Variants in PIWIL2 observed in about 807,000 individuals in gnomAD.
The protein encoded by PIWIL2 is piwi like RNA-mediated gene silencing 2, also known as piwi-like protein 2.
PIWIL2 carries 81 observed loss-of-function variants against 116.5 expected under a neutral mutation model. The ratio of observed to expected loss-of-function variants is 0.70; its 90% confidence interval spans 0.58 to 0.84. PIWIL2 has a LOEUF of 0.84. PIWIL2 is among the 40% of genes least tolerant of loss of function. The probability of loss-of-function intolerance (pLI) is 0.00; values close to 1 mark genes in which losing one functional copy is unlikely to be tolerated. For synonymous variants in PIWIL2, 489 were observed against 429.5 expected (o/e 1.14, Z -1.71); for missense variants, 1,272 against 1,212.3 (o/e 1.05, Z -0.73).
At chr8:22,279,642 G>A in intron 2 of PIWIL2, 58 bp downstream of exon 2, 2 of 1,492,342 alleles carry the variant, frequency 1.3e-6, no homozygotes, top group Non-Finnish European at 1.9e-6. Flanking sequence ...TGCCGTCAGA[G>A]GAAGTAATGG....
Position 22,318,271 on chromosome 8 carries a change from A to T in PIWIL2, c.2399A>T (p.Tyr800Phe). 1 of 1,558,738 alleles carries T rather than the reference A, an allele frequency of 6.4e-7. No homozygotes were observed. The highest frequency in any genetic ancestry group is 8.8e-7 in the Non-Finnish European group (1 of 1,131,016). Reference sequence around the variant, plus strand: ...CTCGTGGGCTCCTTAAAAAAGTTTTATGAGGTGAGGAGAACAGAAATTCTC... The same window carrying T: ...CTCGTGGGCTCCTTAAAAAAGTTTTTTGAGGTGAGGAGAACAGAAATTCTC... Reference protein sequence around the residue: ...LCLVGSLKKFYEVNHCLPEKI... With the variant: ...LCLVGSLKKFFEVNHCLPEKI... The change falls in exon 20 of 23, where the codon TAT becomes TTT. Residue 800 changes from tyrosine (Y) to phenylalanine (F), a missense_variant. Coordinates refer to ENST00000356766, the MANE Select transcript of PIWIL2 (RefSeq NM_018068.5).
At chr8:22,291,155 CTT>C (rs960886438) in intron 10 of PIWIL2, among the ~76,000 whole-genome samples, 1 of 144,148 alleles carries the variant, frequency 6.9e-6, no homozygotes. Context: ...CTTTTCTTTT[CTT>C]TTTTTTTTTC....
rs763338857 is a variant in PIWIL2, at chr8:22,281,385, A to G, written c.295A>G (p.Ile99Val). ...KREMLPSGRG[I>V]LGRGLSANLV... ...TCGGTTCTTTCTTTCAGGTAGAGGC[A>G]TTTTAGGTCGAGGCTTGTCTGCTAA... The change falls in exon 4 of 23, where the codon ATT becomes GTT. Residue 99 changes from isoleucine to valine, a missense_variant. Ile to Val is a conservative substitution (Grantham distance 29). Transcript: ENST00000356766. 1.2e-6 allele frequency: 2 copies of G among 1,609,486 alleles called. No homozygotes were observed. The highest frequency in any genetic ancestry group is 1.7e-6 in the Non-Finnish European group (2 of 1,179,068).
At chr8:22,300,664 G>A (rs2132023360) in intron 10 of PIWIL2, among the ~76,000 whole-genome samples, 1 of 152,286 alleles carries the variant, frequency 6.6e-6, no homozygotes, top group South Asian at 2.1e-4. Context: ...CGAATACTTG[G>A]TGTAGTCAGT....
chr8:22,344,007 G>T (rs1832169277), intron 20 of PIWIL2, among the ~76,000 whole-genome samples: 2 of 152,136 alleles, frequency 1.3e-5, no homozygotes, highest in South Asian at 4.1e-4. Flanking sequence ...TAGGTGAGTG[G>T]ATAAACTGTC....
At chr8:22,326,876 T>G (rs942509554) in intron 20 of PIWIL2, among the ~76,000 whole-genome samples, 2 of 152,130 alleles carry the variant, frequency 1.3e-5, no homozygotes, top group Non-Finnish European at 2.9e-5. Context: ...AATTACAGGG[T>G]CATATAGTAG....
At chr8:22,322,809 G>A (rs1339380804) in intron 20 of PIWIL2, among the ~76,000 whole-genome samples, 6 of 152,198 alleles carry the variant, frequency 3.9e-5, no homozygotes, top group East Asian at 3.9e-4. Flanking sequence ...CCAAAGTGCC[G>A]GGATTACAGA....
At chr8:22,317,863 G>A (rs574737681) in intron 19 of PIWIL2, among the ~76,000 whole-genome samples, 7 of 151,958 alleles carry the variant, frequency 4.6e-5, no homozygotes, top group South Asian at 4.2e-4. Flanking sequence ...GGGTTTCACC[G>A]TGTTAGCCAG....
At chr8:22,354,500 A>G (rs1173805977) in intron 22 of PIWIL2, 122 bp downstream of exon 22, 2 of 563,386 alleles carry the variant, frequency 3.5e-6, no homozygotes, top group Non-Finnish European at 6.3e-6. Flanking sequence ...ATCTTTGACA[A>G]TTATGGTGTC....
At chr8:22,309,213 G>C (rs1401838765) in intron 14 of PIWIL2, among the ~76,000 whole-genome samples, 1 of 151,948 alleles carries the variant, frequency 6.6e-6, no homozygotes, top group Non-Finnish European at 1.5e-5. Flanking sequence ...ACCCGCCTTG[G>C]CCTCCCAAAG....
intron 20 of PIWIL2, among the ~76,000 whole-genome samples, chr8:22,335,902 AG>A (rs1319625603): frequency 6.6e-6 from 1 of 152,196 alleles, no homozygotes; most frequent in East Asian, 1.9e-4. Flanking sequence ...AGTAGAGACA[AG>A]GAGTGACATA....
chr8:22,325,695 C>T (rs117199670), intron 20 of PIWIL2, among the ~76,000 whole-genome samples: 1,796 of 151,986 alleles, frequency 0.012, 89 homozygotes, highest in Admixed American at 0.087. Flanking sequence ...TGTTGACCAA[C>T]CTGGTCTCAG....
At chr8:22,337,050 C>G (rs896125342) in intron 20 of PIWIL2, among the ~76,000 whole-genome samples, 1 of 152,038 alleles carries the variant, frequency 6.6e-6, no homozygotes, top group Non-Finnish European at 1.5e-5. Flanking sequence ...AGAATTAGAC[C>G]TTATATTTAA....
chr8:22,355,323 A>C (rs202082711), intron 22 of PIWIL2, 26 bp from the exon 23 acceptor site: 29 of 1,612,748 alleles, frequency 1.8e-5, no homozygotes, highest in Non-Finnish European at 2.3e-5. Flanking sequence ...GGATGATGAG[A>C]ATTATATTTT....
At position 22,305,975 on chromosome 8, in the gene PIWIL2, G is replaced by A. The variant is rs138817329; in HGVS notation, c.1504G>A (p.Gly502Arg). ...GCTGCCTGAGCTTTCTTTTATGACCGGAATCCCAGAGAAGATGAAGAAGGA... is the reference window on the plus strand; with the variant it reads ...GCTGCCTGAGCTTTCTTTTATGACCAGAATCCCAGAGAAGATGAAGAAGGA... ...LLLPELSFMT[G>R]IPEKMKKDFR... Residue 502 changes from glycine to arginine, a missense_variant, in exon 13 of 23, where the codon GGA (glycine) becomes AGA (arginine). Physicochemically the swap from Gly to Arg is moderately radical, Grantham distance 125. Transcript: ENST00000356766. 4.7e-5 allele frequency: 76 copies of A among 1,613,866 alleles called. No individual in the cohort carries two copies. The highest frequency in any genetic ancestry group is 5.7e-5 in the Non-Finnish European group (67 of 1,179,814).
chr8:22,345,327 A>G (rs1180349364), intron 20 of PIWIL2, among the ~76,000 whole-genome samples: 1 of 152,242 alleles, frequency 6.6e-6, no homozygotes, highest in Non-Finnish European at 1.5e-5. Context: ...TTATACACAA[A>G]TGTTCGTAGC....
At position 22,314,446 on chromosome 8, in the gene PIWIL2, G is replaced by T. The variant is rs1337522045; in HGVS notation, c.2091+17G>T. 7.1e-7 allele frequency: 1 copy of T among 1,401,010 alleles called. No individual in the cohort carries two copies. The allele number at this position is 1,401,010 out of a possible 1,614,324, so 86.8% of individuals were successfully genotyped here. ...CCCTCCCAGGTGAGTGGGTGTTGGG[G>T]CAGGAGGCGCAGATGGCACCTCTCG... On this transcript the variant is annotated intron_variant, in intron 17 of 22. Coordinates refer to ENST00000356766, the MANE Select transcript of PIWIL2 (RefSeq NM_018068.5).
intron 20 of PIWIL2, 40 bp downstream of exon 20, chr8:22,318,315 GTTTT>G: frequency 4.2e-6 from 5 of 1,186,364 alleles, no homozygotes; most frequent in Non-Finnish European, 6.1e-6. Flanking sequence ...GGGGTTTTTT[GTTTT>G]TTTATTTTTT....
At chr8:22,306,272 A>G (rs966197201) in intron 13 of PIWIL2, among the ~76,000 whole-genome samples, 1 of 152,216 alleles carries the variant, frequency 6.6e-6, no homozygotes, top group Non-Finnish European at 1.5e-5. Flanking sequence ...GGATTATAAA[A>G]TAAGAAGAAA....
Sources: gnomAD v4.1 joint callset for allele counts (sites outside exome capture counted in the v4.1 genomes callset) on GRCh38, gnomAD v4.1.1 for gene constraint, MANE v1.5 for transcripts, NCBI Gene and HGNC (gene_info 2026-07-23, HGNC 2026-07-21) for gene names.